ABCD3: variants seen among roughly 807,000 people sequenced by gnomAD.
ABCD3 encodes the protein ATP-binding cassette sub-family D member 3.
Under a neutral mutation model 105.5 loss-of-function variants are expected in ABCD3, and 41 were observed. The observed-to-expected ratio is 0.39, with a 90% CI of 0.30 to 0.50. The LOEUF is 0.50. Ranked by LOEUF, ABCD3 falls within the 20% of genes least tolerant of loss-of-function variation. ABCD3 has a pLI of 0.84. For missense variants in ABCD3, 622 were observed against 806.3 expected (o/e 0.77, Z 2.77); for synonymous variants, 258 against 269.0 (o/e 0.96, Z 0.40).
intron 10 of ABCD3, among the ~76,000 whole-genome samples, chr1:94,484,781 A>G (rs1344274082): frequency 6.6e-6 from 1 of 152,212 alleles, no homozygotes. Context: ...AACTTAAAGT[A>G]TAATCAAAAA....
At chr1:94,453,618 G>A (rs537696032) in intron 1 of ABCD3, among the ~76,000 whole-genome samples, 7 of 151,732 alleles carry the variant, frequency 4.6e-5, no homozygotes, top group East Asian at 3.9e-4. Context: ...GCGCCCAGCC[G>A]GAAAATTATA....
upstream of ABCD3, chr1:94,418,369 G>A: frequency 3.0e-6 from 3 of 989,612 alleles, no homozygotes; most frequent in Non-Finnish European, 4.5e-6. Flanking sequence ...TGCGCGGCCG[G>A]CCCCGCCCTC....
chr1:94,406,340 G>C, the ABCD3 span: 1 of 141,736 alleles, frequency 7.1e-6, no homozygotes, highest in Admixed American at 7.7e-5. Context: ...ATTTTGTTTT[G>C]TTTTTTTTTT....
At chr1:94,482,954 G>A in intron 9 of ABCD3, 1 of 548,034 alleles carries the variant, frequency 1.8e-6, no homozygotes. Context: ...TTGCAGTCCA[G>A]CATATGATTC....
chr1:94,418,372 C>T (rs1659102841), upstream of ABCD3: 6 of 1,026,850 alleles, frequency 5.8e-6, no homozygotes, highest in East Asian at 1.1e-4. Flanking sequence ...GCGGCCGGCC[C>T]CGCCCTCTGC....
At chr1:94,420,043 C>G (rs1659197188) in intron 1 of ABCD3, among the ~76,000 whole-genome samples, 1 of 152,166 alleles carries the variant, frequency 6.6e-6, no homozygotes, top group Non-Finnish European at 1.5e-5. Flanking sequence ...GGGCATAGAA[C>G]AGGTGTTTTA....
intron 4 of ABCD3, among the ~76,000 whole-genome samples, chr1:94,472,446 T>C (rs113837716): frequency 5.6e-5 from 7 of 125,402 alleles, no homozygotes; most frequent in African/African-American, 2.0e-4. Flanking sequence ...AACTTTCTTG[T>C]AGTTAGCGTT....
intron 20 of ABCD3, among the ~76,000 whole-genome samples, chr1:94,501,356 G>A (rs1183004785): frequency 6.6e-6 from 1 of 152,096 alleles, no homozygotes; most frequent in Non-Finnish European, 1.5e-5. Context: ...TATATAACTG[G>A]AGCATGGCCA....
chr1:94,401,690 C>T, the ABCD3 span, among the ~76,000 whole-genome samples: 17 of 152,200 alleles, frequency 1.1e-4, no homozygotes, highest in Non-Finnish European at 1.6e-4. Context: ...AATACTGGAA[C>T]AAATTCCAGG....
At chr1:94,512,065 G>T (rs12404710) in intron 21 of ABCD3, among the ~76,000 whole-genome samples, 39,048 of 151,708 alleles carry the variant, frequency 0.26, 5,610 homozygotes, top group Admixed American at 0.34. Flanking sequence ...GAGGAGAGGC[G>T]CTCTGCTTTT....
intron 1 of ABCD3, among the ~76,000 whole-genome samples, chr1:94,449,999 CA>C (rs1660514690): frequency 6.6e-6 from 1 of 152,216 alleles, no homozygotes; most frequent in Non-Finnish European, 1.5e-5. Context: ...GGACACTCTA[CA>C]AACTTGTCTT....
At chr1:94,409,505 G>A in the ABCD3 span, among the ~76,000 whole-genome samples, 1 of 152,002 alleles carries the variant, frequency 6.6e-6, no homozygotes, top group East Asian at 1.9e-4. Flanking sequence ...AATTAATTTA[G>A]ACCCACATTG....
chr1:94,476,405 T>C (rs1485147112), intron 7 of ABCD3, among the ~76,000 whole-genome samples: 1 of 152,184 alleles, frequency 6.6e-6, no homozygotes. Flanking sequence ...TTGACTATGA[T>C]ATGTAGTAGG....
chr1:94,487,770 T>G lies in ABCD3; in HGVS notation c.1044T>G (p.Ser348Arg), dbSNP rs1235714258. The G allele has an allele frequency of 6.2e-7, 1 of 1,613,986 alleles. No homozygotes were observed. The highest frequency in any genetic ancestry group is 8.5e-7 in the Non-Finnish European group (1 of 1,179,908). ...LDLSHPRHLK[S>R]THSELLEDYY... ...TGTCTCATCCTCGACATCTCAAGAG[T>G]ACACATTCGGAACTTCTAGAGGTAA... is the stretch of plus-strand genomic sequence containing the variant. Residue 348 changes from serine (S) to arginine (R), a missense_variant, in exon 12 of 23, where the codon AGT becomes AGG. Ser to Arg is a moderately radical substitution (Grantham distance 110). This residue lies in a region of ABCD3 where 245 missense variants were observed against 356.4 expected (regional missense o/e 0.69). Transcript: ENST00000370214.
At chr1:94,418,732 A>G (rs915422901) in intron 1 of ABCD3, 144 bp downstream of exon 1, 10 of 785,474 alleles carry the variant, frequency 1.3e-5, no homozygotes, top group Non-Finnish European at 1.8e-5. Flanking sequence ...TGGGACTTCA[A>G]TGTCAGGGTG....
At position 94,449,397 on chromosome 1, in the gene ABCD3, G is replaced by A. The variant is rs533607237; in HGVS notation, c.111-9210G>A. Among the ~76,000 whole-genome samples the A allele has an allele frequency of 5.9e-5, 9 of 152,334 alleles. No individual in the cohort carries two copies. The South Asian group carries it at 1.9e-3, about 32-fold the overall frequency. On this transcript the variant is annotated intron_variant, in intron 1 of 22. Transcript: ENST00000370214. ...GAGTAATTTGATGGTACCTATGATA[G>A]CAGTGATTACCATTGCCGTGAGTAT...
intron 22 of ABCD3, among the ~76,000 whole-genome samples, chr1:94,515,428 T>G (rs553244641): frequency 6.6e-6 from 1 of 152,010 alleles, no homozygotes; most frequent in African/African-American, 2.4e-5. Flanking sequence ...GTGACTCTTA[T>G]CTGTTAATAG....
At chr1:94,514,082 GAAAAT>G (rs1650814883) in intron 21 of ABCD3, 1 of 152,098 alleles carries the variant, frequency 6.6e-6, no homozygotes, top group East Asian at 1.9e-4. Flanking sequence ...TCATCAAAAT[GAAAAT>G]AAAATTAAGA....
At chr1:94,393,005 G>A in the ABCD3 span, among the ~76,000 whole-genome samples, 18 of 151,940 alleles carry the variant, frequency 1.2e-4, 1 homozygote, top group East Asian at 9.8e-4. Flanking sequence ...CCAGCTACTC[G>A]GGAGGCTGAG....
Sources: allele counts gnomAD v4.1 joint callset (sites outside exome capture counted in the v4.1 genomes callset), GRCh38; gene constraint gnomAD v4.1.1; regional missense constraint gnomAD v4.1.1; transcripts MANE v1.5; gene names NCBI Gene and HGNC (gene_info 2026-07-23, HGNC 2026-07-21).